Variants in KCNAB1 observed in about 807,000 individuals in gnomAD.
The protein encoded by KCNAB1 is voltage-gated potassium channel subunit beta-1.
KCNAB1 carries 35 observed loss-of-function variants against 64.6 expected under a neutral mutation model. The ratio of observed to expected loss-of-function variants is 0.54; its 90% CI spans 0.41 to 0.72. The LOEUF is 0.72. KCNAB1 is among the 30% of genes least tolerant of loss of function. The pLI is 0.00. For missense variants in KCNAB1, 401 were observed against 512.9 expected, an observed-to-expected ratio of 0.78 and a Z score of 2.11; for synonymous variants, 177 against 183.8, an observed-to-expected ratio of 0.96 and a Z score of 0.30.
intron 1 of KCNAB1, among the ~76,000 whole-genome samples, chr3:156,280,949 C>G (rs1296424764): frequency 6.7e-6 from 1 of 148,820 alleles, no homozygotes; most frequent in Non-Finnish European, 1.5e-5. Flanking sequence ...AATTGAATAC[C>G]CTTTATTTCC....
intron 1 of KCNAB1, among the ~76,000 whole-genome samples, chr3:156,231,979 C>G (rs1292355534): frequency 1.3e-5 from 2 of 152,182 alleles, no homozygotes; most frequent in Non-Finnish European, 2.9e-5. Context: ...TCATATTTGG[C>G]TCAGAATAAA....
chr3:156,355,552 G>T (rs991589016), intron 1 of KCNAB1, among the ~76,000 whole-genome samples: 2 of 151,236 alleles, frequency 1.3e-5, no homozygotes, highest in South Asian at 2.1e-4. Context: ...TTCATAGTGG[G>T]TTTTTTTTTA....
At chr3:156,405,522 G>A (rs1208870933) in intron 1 of KCNAB1, among the ~76,000 whole-genome samples, 1 of 152,118 alleles carries the variant, frequency 6.6e-6, no homozygotes, top group Non-Finnish European at 1.5e-5. Flanking sequence ...AAAGCAATAT[G>A]TGATCAGAAA....
In KCNAB1 at chr3:156,354,240, G is replaced by A. The variant is rs914420970; in HGVS notation, c.276-67376G>A. On this transcript the variant is annotated intron_variant, in intron 1 of 13. Transcript: ENST00000490337. The stretch of plus-strand genomic sequence containing the variant: ...GGCGTTGGTGTGATCTCGGCTCACC[G>A]CAAACTCTGCCTCCTGGGTTCAAGC... Among the ~76,000 whole-genome samples, 5 of 149,564 alleles carry A rather than the reference G, an allele frequency of 3.3e-5. No homozygotes were observed. In the East Asian group the frequency reaches 5.9e-4, roughly 18 times the overall value.
chr3:156,292,765 A>G (rs934425916), intron 1 of KCNAB1, among the ~76,000 whole-genome samples: 3 of 151,838 alleles, frequency 2.0e-5, no homozygotes, highest in African/African-American at 7.3e-5. Context: ...CTGGTCTCGA[A>G]CTCCTGACCT....
rs577352099 is a variant in KCNAB1 at position 156,457,758 on chromosome 3, T to G, written c.437+226T>G. 1.6e-4 allele frequency among the ~76,000 whole-genome samples: 25 copies of G among 152,256 alleles called. No individual in the cohort carries two copies. In the East Asian group the frequency reaches 4.8e-3, roughly 29 times the overall value. ...CTGCTTCTGGACCCTGTATGAAGAA[T>G]GGGCTGAAGGGGTATATGACCAGGA... is the stretch of plus-strand genomic sequence containing the variant. On this transcript the variant is annotated intron_variant, in intron 4 of 13. Transcript: ENST00000490337.
chr3:156,165,035 T>A (rs1716290142), intron 1 of KCNAB1, among the ~76,000 whole-genome samples: 1 of 151,904 alleles, frequency 6.6e-6, no homozygotes, highest in Admixed American at 6.6e-5. Flanking sequence ...TCCCAGCACT[T>A]TGGGAGGCCG....
At chr3:156,430,052 CT>C (rs1289217513) in intron 2 of KCNAB1, among the ~76,000 whole-genome samples, 1 of 152,206 alleles carries the variant, frequency 6.6e-6, no homozygotes, top group Non-Finnish European at 1.5e-5. Flanking sequence ...TAGTTTCCTA[CT>C]TTTATGGATA....
intron 1 of KCNAB1, among the ~76,000 whole-genome samples, chr3:156,289,320 T>C (rs1391830595): frequency 6.6e-6 from 1 of 152,230 alleles, no homozygotes; most frequent in African/African-American, 2.4e-5. Flanking sequence ...TCTAGACGGA[T>C]GATTATCCAT....
chr3:156,209,666 G>A (rs1410428042), intron 1 of KCNAB1, among the ~76,000 whole-genome samples: 1 of 152,182 alleles, frequency 6.6e-6, no homozygotes, highest in East Asian at 1.9e-4. Flanking sequence ...CAAGATGTCT[G>A]GAAAATTCCA....
intron 1 of KCNAB1, among the ~76,000 whole-genome samples, chr3:156,199,663 C>T (rs142721450): frequency 1.5e-3 from 225 of 152,262 alleles, no homozygotes; most frequent in Non-Finnish European, 2.6e-3. Flanking sequence ...TTTTTCAGCT[C>T]CATCAGGTCA....
chr3:156,237,956 G>T (rs1388757209), intron 1 of KCNAB1, among the ~76,000 whole-genome samples: 2 of 152,134 alleles, frequency 1.3e-5, no homozygotes, highest in East Asian at 1.9e-4. Flanking sequence ...AACAGTGCTA[G>T]CCCAGAGTAG....
intron 1 of KCNAB1, among the ~76,000 whole-genome samples, chr3:156,124,749 C>T (rs1713552904): frequency 6.6e-6 from 1 of 152,082 alleles, no homozygotes; most frequent in Non-Finnish European, 1.5e-5. Flanking sequence ...GAATCTTTAA[C>T]ATTGAGTTTT....
chr3:156,537,085 AT>A lies in KCNAB1; in HGVS notation c.*339del, dbSNP rs1028729392. 1 of 404,768 alleles carries A rather than the reference AT, an allele frequency of 2.5e-6. No individual in the cohort carries two copies. The highest frequency in any genetic ancestry group is 2.1e-5 in the African/African-American group (1 of 48,752). 25.1% of individuals were successfully genotyped at this position (404,768 alleles called of 1,614,324 possible). On this transcript the variant is annotated 3_prime_UTR_variant, in exon 14 of 14. Coordinates refer to ENST00000490337, the MANE Select transcript of KCNAB1 (RefSeq NM_172160.3). Reference sequence around the variant, plus strand: ...GTAACTCAAAGAAGGCTGTACAGATATATTTTTTCAAAAGAACAAAATCCAC... The same window carrying A: ...GTAACTCAAAGAAGGCTGTACAGATAATTTTTTCAAAAGAACAAAATCCAC...
intron 1 of KCNAB1, among the ~76,000 whole-genome samples, chr3:156,346,069 G>A (rs965366426): frequency 6.6e-6 from 1 of 151,486 alleles, no homozygotes; most frequent in Non-Finnish European, 1.5e-5. Context: ...ATGGTCTGAT[G>A]TGTAAGTTTT....
chr3:156,135,029 C>T (rs1277120767), intron 1 of KCNAB1, among the ~76,000 whole-genome samples: 1 of 151,840 alleles, frequency 6.6e-6, no homozygotes, highest in Admixed American at 6.6e-5. Flanking sequence ...TGGAGTCTCA[C>T]TCTGCTGCCC....
At chr3:156,476,549 A>ACG (rs1714368824) in intron 8 of KCNAB1, among the ~76,000 whole-genome samples, 1 of 140,702 alleles carries the variant, frequency 7.1e-6, no homozygotes, top group South Asian at 2.5e-4. Context: ...ACACACACGC[A>ACG]CACACACACA....
intron 8 of KCNAB1, among the ~76,000 whole-genome samples, chr3:156,475,996 G>A (rs957823097): frequency 1.3e-5 from 2 of 152,036 alleles, no homozygotes; most frequent in Non-Finnish European, 2.9e-5. Context: ...CAGTATCAGC[G>A]TGGGAAATTT....
chr3:156,170,273 C>A lies in KCNAB1; in HGVS notation c.275+49387C>A, dbSNP rs138996072. ...ACATTTCCCTGAAAATGTGGCTTTACCTATTCTTATGGTTTTATGAAGTCA... is the reference window on the plus strand; with the variant it reads ...ACATTTCCCTGAAAATGTGGCTTTAACTATTCTTATGGTTTTATGAAGTCA... On this transcript the variant is annotated intron_variant, in intron 1 of 13. Transcript: ENST00000490337. Among the ~76,000 whole-genome samples, 553 of 143,642 alleles carry A rather than the reference C, an allele frequency of 3.8e-3. 3 individuals are homozygous for A. Among genetic ancestry groups the A allele is most frequent in the African/African-American group, 0.013 (523 of 39,308 alleles). 94.2% of individuals were successfully genotyped at this position (143,642 alleles called of 152,430 possible). A position where few individuals can be genotyped will look rare whatever the true frequency, so the allele number is the denominator to read the frequency against.
Sources: allele counts gnomAD v4.1 joint callset (sites outside exome capture counted in the v4.1 genomes callset), GRCh38; gene constraint gnomAD v4.1.1; transcripts MANE v1.5; gene names NCBI Gene and HGNC (gene_info 2026-07-23, HGNC 2026-07-21).